FAS: variants seen among roughly 807,000 people sequenced by gnomAD.
FAS encodes tumor necrosis factor receptor superfamily member 6.
FAS carries 5 observed loss-of-function variants against 33.2 expected under a neutral mutation model. The observed-to-expected ratio is 0.15, with a 90% confidence interval of 0.08 to 0.32. The LOEUF (loss-of-function observed/expected upper bound fraction) is 0.32, where lower values mean the gene tolerates loss of function less well. Ranked by LOEUF, FAS falls within the 10% of genes least tolerant of loss-of-function variation. FAS has a pLI of 1.00. For missense variants in FAS, 339 were observed against 386.0 expected (o/e 0.88, Z 1.02); for synonymous variants, 131 against 130.7 (o/e 1.00, Z -0.01).
At chr10:88,986,218 T>C (rs1846877309), upstream of FAS, among the ~76,000 whole-genome samples, 1 of 152,186 alleles carries the variant, frequency 6.6e-6, no homozygotes, top group Non-Finnish European at 1.5e-5. Flanking sequence ...CAACATCTCT[T>C]GAAAAGTGGT....
intron 3 of FAS, 90 bp from the exon 4 acceptor site, chr10:89,008,799 C>T: frequency 8.5e-7 from 1 of 1,177,126 alleles, no homozygotes; most frequent in East Asian, 2.3e-5. Context: ...AGCAGTGGAT[C>T]TCAAAAATCC....
At chr10:89,003,284 T>G in intron 2 of FAS, 90 bp downstream of exon 2, 1 of 1,447,032 alleles carries the variant, frequency 6.9e-7, no homozygotes, top group Non-Finnish European at 9.6e-7. Flanking sequence ...TTTACAGTTT[T>G]TGGTTCCCCT....
At chr10:89,000,089 A>G (rs552051107) in intron 1 of FAS, among the ~76,000 whole-genome samples, 2 of 152,352 alleles carry the variant, frequency 1.3e-5, no homozygotes, top group East Asian at 3.9e-4. Flanking sequence ...GTGGTGATAT[A>G]TTTAGTCCTA....
At chr10:89,002,722 T>G (rs1847998472) in intron 1 of FAS, 4 of 388,966 alleles carry the variant, frequency 1.0e-5, no homozygotes, top group Non-Finnish European at 1.5e-5. Context: ...AAACTGAGAC[T>G]TGGAGAATGT....
chr10:88,990,732 C>A (rs766688231), upstream of FAS: 5 of 935,948 alleles, frequency 5.3e-6, no homozygotes, highest in South Asian at 4.0e-5. The surrounding 1 kb of genome is among the most constrained non-coding windows in gnomAD (Gnocchi z 4.9). Flanking sequence ...TTGGCTGGAG[C>A]CTCAGGGGCG....
intron 1 of FAS, among the ~76,000 whole-genome samples, chr10:88,964,113 A>G (rs1186161979): frequency 1.3e-5 from 2 of 152,032 alleles, no homozygotes; most frequent in African/African-American, 2.4e-5. Context: ...CTTTAGTTTC[A>G]TATATTTACT....
intron 1 of FAS, among the ~76,000 whole-genome samples, chr10:88,998,345 A>C (rs978876779): frequency 1.1e-5 from 1 of 90,068 alleles, no homozygotes; most frequent in African/African-American, 4.0e-5. Flanking sequence ...GTTAAAAAAA[A>C]GCAAAAAAAA....
At chr10:88,991,293 G>C (rs1847192974) in intron 1 of FAS, 1 of 406,958 alleles carries the variant, frequency 2.5e-6, no homozygotes, top group East Asian at 4.6e-5. Flanking sequence ...CGGTTGGAGA[G>C]AGGAGCGGAA....
chr10:88,976,420 G>A (rs1477329887), intron 2 of FAS, among the ~76,000 whole-genome samples: 1 of 152,180 alleles, frequency 6.6e-6, no homozygotes, highest in Non-Finnish European at 1.5e-5. Flanking sequence ...AGGATTGATA[G>A]GCCAAGGAAA....
chr10:89,013,967 G>A (rs1848657692), intron 8 of FAS, 152 bp from the exon 9 acceptor site: 3 of 749,152 alleles, frequency 4.0e-6, no homozygotes, highest in South Asian at 1.8e-5. Flanking sequence ...ACTCAAGGTT[G>A]TCTTGTTTCT....
chr10:88,988,267 G>A (rs1468461993), upstream of FAS, among the ~76,000 whole-genome samples: 1 of 152,110 alleles, frequency 6.6e-6, no homozygotes, highest in Non-Finnish European at 1.5e-5. Context: ...AGAAAGGCAG[G>A]ATAAACAGTC....
At chr10:89,011,296 TTAG>T (rs1848516874) in intron 6 of FAS, among the ~76,000 whole-genome samples, 1 of 152,230 alleles carries the variant, frequency 6.6e-6, no homozygotes, top group Non-Finnish European at 1.5e-5. Flanking sequence ...CAAAGGTGAC[TTAG>T]TAGAGTCAGT....
intron 2 of FAS, among the ~76,000 whole-genome samples, chr10:88,980,020 C>T (rs527817459): frequency 6.6e-6 from 1 of 152,344 alleles, no homozygotes; most frequent in African/African-American, 2.4e-5. Flanking sequence ...TCTGTAGTTT[C>T]AGAAGATGGC....
intron 2 of FAS, among the ~76,000 whole-genome samples, chr10:88,981,182 C>T (rs1009703770): frequency 2.6e-5 from 4 of 152,208 alleles, no homozygotes; most frequent in African/African-American, 9.6e-5. Context: ...CTAACTCGAG[C>T]TCTGCCACAT....
chr10:89,001,831 C>G (rs1352060351), intron 1 of FAS, among the ~76,000 whole-genome samples: 1 of 152,162 alleles, frequency 6.6e-6, no homozygotes, highest in Non-Finnish European at 1.5e-5. Context: ...TGACTTCCAG[C>G]TTCTAACTAT....
At chr10:88,998,411 T>C (rs1847729969) in intron 1 of FAS, among the ~76,000 whole-genome samples, 1 of 151,824 alleles carries the variant, frequency 6.6e-6, no homozygotes, top group Admixed American at 6.6e-5. Context: ...GTCTGGACCC[T>C]TCCGGCCTTC....
At chr10:89,010,447 TA>T in intron 4 of FAS, 91 bp from the exon 5 acceptor site, 2 of 995,246 alleles carry the variant, frequency 2.0e-6, no homozygotes, top group Non-Finnish European at 3.2e-6. Context: ...CAAAGATGAA[TA>T]AAATGGCCCC....
chr10:88,965,277 T>C (rs1251467714), intron 1 of FAS, among the ~76,000 whole-genome samples: 1 of 149,630 alleles, frequency 6.7e-6, no homozygotes, highest in Non-Finnish European at 1.5e-5. Context: ...TAGGGCACCC[T>C]GCCCTTCTAC....
intron 4 of FAS, among the ~76,000 whole-genome samples, 169 bp from the exon 5 acceptor site, chr10:89,010,370 A>T (rs543775857): frequency 2.0e-5 from 3 of 152,334 alleles, no homozygotes; most frequent in African/African-American, 7.2e-5. Context: ...CATCCAAATT[A>T]TATTAACTTG....
Sources: gnomAD v4.1 joint callset for allele counts (sites outside exome capture counted in the v4.1 genomes callset) on GRCh38, gnomAD v4.1.1 for gene constraint, Gnocchi (gnomAD v3.1) non-coding constraint, MANE v1.5 for transcripts, NCBI Gene and HGNC (gene_info 2026-07-23, HGNC 2026-07-21) for gene names.